ABHD2: variants seen among roughly 807,000 people sequenced by gnomAD.
The protein encoded by ABHD2 is abhydrolase domain containing 2, acylglycerol lipase.
A neutral mutation model predicts 48.1 loss-of-function variants in ABHD2; 20 were observed. The ratio of observed to expected loss-of-function variants is 0.42; its 90% CI spans 0.29 to 0.60. The LOEUF (loss-of-function observed/expected upper bound fraction) is 0.60, where lower values mean the gene tolerates loss of function less well. ABHD2 is among the 20% of genes least tolerant of loss of function. ABHD2 has a pLI of 0.24. For synonymous variants in ABHD2, 209 were observed against 214.2 expected, an observed-to-expected ratio of 0.98 and a Z score of 0.21; for missense variants, 405 against 550.9, an observed-to-expected ratio of 0.74 and a Z score of 2.65.
intron 3 of ABHD2, among the ~76,000 whole-genome samples, chr15:89,122,719 G>A (rs2050071266): frequency 6.6e-6 from 1 of 152,240 alleles, no homozygotes; most frequent in Non-Finnish European, 1.5e-5. Flanking sequence ...AGTAGAGACA[G>A]GCAGCAGGTG....
chr15:89,144,810 T>C (rs759333714), intron 3 of ABHD2, among the ~76,000 whole-genome samples: 2 of 152,210 alleles, frequency 1.3e-5, no homozygotes, highest in Admixed American at 6.5e-5. Flanking sequence ...TGCTACTGAA[T>C]TGTAGACTTT....
the ABHD2 span, among the ~76,000 whole-genome samples, chr15:89,068,950 G>A: frequency 6.6e-6 from 1 of 150,682 alleles, no homozygotes; most frequent in Non-Finnish European, 1.5e-5. Flanking sequence ...TGTATTTTTA[G>A]TAGAAATGGG....
At chr15:89,108,337 C>T (rs1456420402) in intron 1 of ABHD2, among the ~76,000 whole-genome samples, 1 of 152,192 alleles carries the variant, frequency 6.6e-6, no homozygotes, top group African/African-American at 2.4e-5. Context: ...TACGTGGCTC[C>T]AGTCTCCACT....
chr15:89,133,785 T>C (rs2050257120), intron 3 of ABHD2, among the ~76,000 whole-genome samples: 1 of 152,102 alleles, frequency 6.6e-6, no homozygotes, highest in Admixed American at 6.5e-5. Context: ...TTGTTCTCAG[T>C]TTGTCATTTG....
At chr15:89,061,675 C>T in the ABHD2 span, among the ~76,000 whole-genome samples, 200 of 152,134 alleles carry the variant, frequency 1.3e-3, 1 homozygote, top group African/African-American at 4.7e-3. Context: ...CAAGTTCAAG[C>T]CATCCTCCCA....
intron 1 of ABHD2, among the ~76,000 whole-genome samples, chr15:89,110,313 C>G (rs936056712): frequency 2.0e-5 from 3 of 152,136 alleles, no homozygotes; most frequent in Non-Finnish European, 4.4e-5. Flanking sequence ...CCGCCCGCCT[C>G]GGCCTGCAAA....
At chr15:89,098,406 G>A (rs2049648238) in intron 1 of ABHD2, among the ~76,000 whole-genome samples, 1 of 152,028 alleles carries the variant, frequency 6.6e-6, no homozygotes, top group Non-Finnish European at 1.5e-5. Context: ...CCTGCTGGAC[G>A]CTGTGCCAGA....
intron 3 of ABHD2, among the ~76,000 whole-genome samples, chr15:89,125,003 T>C (rs1415027090): frequency 6.6e-6 from 1 of 151,816 alleles, no homozygotes; most frequent in Non-Finnish European, 1.5e-5. Flanking sequence ...GCAGGAGAAT[T>C]GCTTGAACCC....
At chr15:89,071,346 G>T in the ABHD2 span, among the ~76,000 whole-genome samples, 1 of 152,106 alleles carries the variant, frequency 6.6e-6, no homozygotes, top group Non-Finnish European at 1.5e-5. Flanking sequence ...GCTTGAACCC[G>T]GGAGGTGGAG....
chr15:89,171,829 C>G (rs531654687), intron 5 of ABHD2, among the ~76,000 whole-genome samples: 2 of 152,144 alleles, frequency 1.3e-5, no homozygotes, highest in African/African-American at 2.4e-5. Context: ...AGTGGTTGCA[C>G]CTGAGGATCT....
chr15:89,107,149 G>T (rs1301850680), intron 1 of ABHD2, among the ~76,000 whole-genome samples: 1 of 152,184 alleles, frequency 6.6e-6, no homozygotes. Context: ...AGCAGGAGAG[G>T]GGTGGTGTCA....
At chr15:89,042,331 A>C in the ABHD2 span, among the ~76,000 whole-genome samples, 1 of 151,758 alleles carries the variant, frequency 6.6e-6, no homozygotes, top group Middle Eastern at 3.2e-3. Flanking sequence ...CTTTTACCCT[A>C]CTCCCTCAAA....
At chr15:89,144,058 G>A (rs1398826151) in intron 3 of ABHD2, among the ~76,000 whole-genome samples, 2 of 152,126 alleles carry the variant, frequency 1.3e-5, no homozygotes. Flanking sequence ...GAAAACAGAT[G>A]TTCAAACAAA....
rs987810244 is a variant in ABHD2, at chr15:89,166,481, C to A, written c.539-9331C>A. 6.6e-6 allele frequency among the ~76,000 whole-genome samples: 1 copy of A among 152,100 alleles called. No homozygotes were observed. The highest frequency in any genetic ancestry group is 6.6e-5 in the Admixed American group (1 of 15,264). On this transcript the variant is annotated intron_variant, in intron 5 of 10. Coordinates refer to ENST00000352732, the MANE Select transcript of ABHD2 (RefSeq NM_152924.5). This position sits in a 1 kb window ranked among gnomAD's most constrained non-coding sequence, Gnocchi z 4.6. ...TGTCCAACTGGGTTTAATACAGGAA[C>A]TTTTTTGTTTTTTAAACTATCTTTT... is the stretch of plus-strand genomic sequence containing the variant.
Position 89,116,265 on chromosome 15 carries a change from G to T in ABHD2, c.-6-57G>T. On this transcript the variant is annotated intron_variant, in intron 2 of 10. Transcript: ENST00000352732. This position sits in a 1 kb window ranked among gnomAD's most constrained non-coding sequence, Gnocchi z 4.6. ...GCCCACCATGCGTCTGTAGGGTGGT[G>T]GGCACCACCCGTCCTCACTGTGCTT... 1 of 1,522,328 alleles carries T rather than the reference G, an allele frequency of 6.6e-7. No individual in the cohort carries two copies. The highest frequency in any genetic ancestry group is 1.4e-5 in the African/African-American group (1 of 72,982). The allele number at this position is 1,522,328 out of a possible 1,614,324, so 94.3% of individuals were successfully genotyped here.
chr15:89,058,124 A>C, the ABHD2 span, among the ~76,000 whole-genome samples: 18 of 152,178 alleles, frequency 1.2e-4, no homozygotes, highest in African/African-American at 4.3e-4. Context: ...CTTGAGGTAG[A>C]TACCTTCATA....
chr15:89,195,346 G>T lies in ABHD2; in HGVS notation c.1201G>T (p.Ala401Ser), dbSNP rs2051382252. ...GATGGATAAGCTGGTGGTGGAGTAC[G>T]CCAACGCCATTTGCCAATGGGAGCG... ...TWMDKLVVEY[A>S]NAICQWERNK... is the part of the protein sequence containing the mutation. The change falls in exon 11 of 11, where the codon GCC becomes TCC. Residue 401 changes from alanine (A) to serine (S), a missense_variant. Physicochemically the swap from Ala to Ser is moderately conservative, Grantham distance 99. Transcript: ENST00000352732. This position sits in a 1 kb window ranked among gnomAD's most constrained non-coding sequence, Gnocchi z 5.1. 6.2e-7 allele frequency: 1 copy of T among 1,614,092 alleles called. No individual in the cohort carries two copies. The highest frequency in any genetic ancestry group is 1.7e-5 in the Admixed American group (1 of 60,012).
chr15:89,199,993 C>G lies in ABHD2; in HGVS notation c.*4570C>G, dbSNP rs2051450071. ...GCTGCTGCCTCGGAACGCTGCAGCC[C>G]AGGCTTCCTCCCACAGTGGCCCTTG... On this transcript the variant is annotated 3_prime_UTR_variant, in exon 11 of 11. Coordinates refer to ENST00000352732, the MANE Select transcript of ABHD2 (RefSeq NM_152924.5). The surrounding 1 kb of genome is among the most constrained non-coding windows in gnomAD (Gnocchi z 4.1). The G allele has an allele frequency of 6.6e-6, 1 of 152,610 alleles. No individual in the cohort carries two copies. The highest frequency in any genetic ancestry group is 6.5e-5 in the Admixed American group (1 of 15,282). The allele number at this position is 152,610 out of a possible 1,614,324, so 9.5% of individuals were successfully genotyped here.
At chr15:89,046,013 G>C in the ABHD2 span, among the ~76,000 whole-genome samples, 13 of 152,154 alleles carry the variant, frequency 8.5e-5, no homozygotes, top group Non-Finnish European at 8.8e-5. Context: ...TGCCCATTCA[G>C]TATGATATTG....
Sources: allele counts gnomAD v4.1 joint callset (sites outside exome capture counted in the v4.1 genomes callset), GRCh38; gene constraint gnomAD v4.1.1; non-coding constraint Gnocchi (gnomAD v3.1); transcripts MANE v1.5; gene names NCBI Gene and HGNC (gene_info 2026-07-23, HGNC 2026-07-21).